Variants in ATXN2L observed in about 807,000 individuals in gnomAD.
ATXN2L encodes ataxin-2-like protein.
A neutral mutation model predicts 120.7 loss-of-function variants in ATXN2L; 24 were observed. The ratio of observed to expected loss-of-function variants is 0.20; its 90% CI spans 0.14 to 0.28. The LOEUF (loss-of-function observed/expected upper bound fraction) is 0.28, where lower values mean the gene tolerates loss of function less well. Among genes scored for constraint, ATXN2L ranks in the 10% least tolerant of loss-of-function variants. The pLI, the probability that ATXN2L is intolerant of heterozygous loss-of-function variation, is 1.00. For synonymous variants in ATXN2L, 653 were observed against 568.1 expected (o/e 1.15, Z -2.13); for missense variants, 1,312 against 1,432.3 (o/e 0.92, Z 1.36).
intron 6 of ATXN2L, among the ~76,000 whole-genome samples, chr16:28,829,156 C>T (rs1215411724): frequency 6.6e-6 from 1 of 152,174 alleles, no homozygotes; most frequent in African/African-American, 2.4e-5. Context: ...GCATGCACCA[C>T]CACACCCGGC....
In ATXN2L at chr16:28,836,044, G is replaced by T. The variant is rs775517284; in HGVS notation, c.3007G>T (p.Gly1003Cys). 2.0e-6 allele frequency: 3 copies of T among 1,537,498 alleles called. No individual in the cohort carries two copies. The highest frequency in any genetic ancestry group is 2.6e-6 in the Non-Finnish European group (3 of 1,133,712). ...CCAGAGTCATGGGGGGCCCCCCCAA[G>T]GCGCGGTGCCCCAGAGTGGGGTGCC... is the stretch of plus-strand genomic sequence containing the variant. ...PPQSHGGPPQ[G>C]AVPQSGVPAL... The change falls in exon 22 of 22, where the codon GGC (glycine) becomes TGC (cysteine). Residue 1003 changes from glycine (G) to cysteine (C), a missense_variant. Physicochemically the swap from Gly to Cys is radical, Grantham distance 159. Transcript: ENST00000336783.
intron 5 of ATXN2L, 57 bp downstream of exon 5, chr16:28,826,447 A>G: frequency 6.4e-7 from 1 of 1,564,828 alleles, no homozygotes; most frequent in South Asian, 1.1e-5. Context: ...GACAGAGGGT[A>G]GTTTGTGTGC....
At position 28,836,769 on chromosome 16, in the gene ATXN2L, G is replaced by C; in HGVS notation, c.*504G>C. ...CCAGCAGCTCCCCTTCCACCCCCCG[G>C]GGAACTGAAGATTGTCCTGGCCGCG... is the stretch of plus-strand genomic sequence containing the variant. On this transcript the variant is annotated 3_prime_UTR_variant, in exon 22 of 22. Transcript: ENST00000336783. The C allele has an allele frequency of 1.2e-6, 2 of 1,613,966 alleles. No individual in the cohort carries two copies. Among genetic ancestry groups the C allele is most frequent in the Non-Finnish European group, 1.7e-6 (2 of 1,179,982 alleles).
chr16:28,823,851 T>C (rs1407799041), intron 1 of ATXN2L: 1 of 290,894 alleles, frequency 3.4e-6, no homozygotes, highest in Non-Finnish European at 6.1e-6. Context: ...AACGGGGAGT[T>C]GGGGGGGGGC....
In ATXN2L at chr16:28,833,434, C is replaced by G. The variant is rs772506074; in HGVS notation, c.1956-5C>G. The G allele has an allele frequency of 6.2e-7, 1 of 1,614,022 alleles. No homozygotes were observed. Among genetic ancestry groups the G allele is most frequent in the African/African-American group, 1.3e-5 (1 of 74,908 alleles). ...CGTGAAGATTTACTGTACTTTCTCT[C>G]ACAGACAAGTAAAGAAATCAACGTT... On this transcript the variant is annotated splice_polypyrimidine_tract_variant and splice_region_variant and intron_variant, in intron 14 of 21. Transcript: ENST00000336783.
At position 28,830,692 on chromosome 16, in the gene ATXN2L, G is replaced by T. The variant is rs200982628; in HGVS notation, c.1112G>T (p.Gly371Val). ...GGAGTTCGATGCAGCAGCTCTCGGG[G>T]CGGTCGGCCTGGCCTTAGCTCTTTG... ...RGGVRCSSSR[G>V]GRPGLSSLPP... The change falls in exon 9 of 22, where the codon GGC (glycine) becomes GTC (valine). Residue 371 changes from glycine to valine, a missense_variant. By Grantham distance (109) the Gly-to-Val change is moderately radical (BLOSUM62 -3). Coordinates refer to ENST00000336783, the MANE Select transcript of ATXN2L (RefSeq NM_007245.4). 1.2e-6 allele frequency: 2 copies of T among 1,613,888 alleles called. No individual in the cohort carries two copies. The highest frequency in any genetic ancestry group is 2.7e-5 in the African/African-American group (2 of 75,012).
chr16:28,830,332 C>T (rs764364847), intron 8 of ATXN2L, among the ~76,000 whole-genome samples: 2 of 151,982 alleles, frequency 1.3e-5, no homozygotes, highest in African/African-American at 2.4e-5. Context: ...TAAAAACTAT[C>T]CCTGGAACTA....
At chr16:28,834,794 GT>G in intron 18 of ATXN2L, 101 bp downstream of exon 18, 1 of 1,390,300 alleles carries the variant, frequency 7.2e-7, no homozygotes, top group Non-Finnish European at 9.7e-7. Flanking sequence ...AGGCAGTGTT[GT>G]AGGTGGGATC....
chr16:28,826,194 T>C (rs8049439), intron 4 of ATXN2L, 46 bp from the exon 5 acceptor site: 625,625 of 1,601,164 alleles, frequency 0.39, 125,554 homozygotes, highest in Admixed American at 0.49. Context: ...TTGCCTTCAC[T>C]TTTCTTGAAA....
rs1271349982 is a variant in ATXN2L at position 28,835,719 on chromosome 16, G to C, written c.2856G>C (p.Gln952His). The C allele has an allele frequency of 6.2e-7, 1 of 1,614,090 alleles. No homozygotes were observed. Among genetic ancestry groups the C allele is most frequent in the South Asian group, 1.1e-5 (1 of 91,084 alleles). ...CTGTGTATGCCATCCACCACCAGCA[G>C]CTGCCCCACGGCTTCACCAACATGG... ...PAAVYAIHHQ[Q>H]LPHGFTNMAH... Residue 952 changes from glutamine (Q) to histidine (H), a missense_variant, in exon 21 of 22, where the codon CAG (glutamine) becomes CAC (histidine). Gln to His is a conservative substitution (Grantham distance 24). Transcript: ENST00000336783.
Position 28,836,990 on chromosome 16 carries a change from C to A in ATXN2L, c.*725C>A. 1.5e-6 allele frequency: 1 copy of A among 663,476 alleles called. No individual in the cohort carries two copies. The highest frequency in any genetic ancestry group is 2.7e-6 in the Non-Finnish European group (1 of 365,940). 41.1% of individuals were successfully genotyped at this position (663,476 alleles called of 1,614,324 possible). A position where few individuals can be genotyped will look rare whatever the true frequency, so the allele number is the denominator to read the frequency against. ...TGGGGGGTTCCTGCTCTGCCCCTGC[C>A]CGTCCCCACCCAGTCTTGCCCTCCC... On this transcript the variant is annotated 3_prime_UTR_variant, in exon 22 of 22. Transcript: ENST00000336783.
In ATXN2L at chr16:28,835,159, A is replaced by G. The variant is rs1959862271; in HGVS notation, c.2535A>G (p.Ala845=). 3 of 1,613,148 alleles carry G rather than the reference A, an allele frequency of 1.9e-6. No individual in the cohort carries two copies. The South Asian group carries it at 3.3e-5, about 18-fold the overall frequency. Residue 845 remains alanine, a synonymous_variant, in exon 19 of 22, where the codon GCA becomes GCG. Coordinates refer to ENST00000336783, the MANE Select transcript of ATXN2L (RefSeq NM_007245.4). The part of the protein sequence containing the change: ...VSSSTPQYPS[A]EQPTPQALYA... ...CCTCTACCCCTCAGTACCCTTCTGC[A>G]GAGCAGCCTACCCCCCAAGCCCTTT...
rs1198582920 is a variant in ATXN2L at position 28,823,856 on chromosome 16, G to T, written c.299+298G>T. On this transcript the variant is annotated intron_variant, in intron 1 of 21. Coordinates refer to ENST00000336783, the MANE Select transcript of ATXN2L (RefSeq NM_007245.4). ...GCGCCGTCGGAACGGGGAGTTGGGGGGGGGCAAGGAGCTGATCGGGGTCCC... is the reference window on the plus strand; with the variant it reads ...GCGCCGTCGGAACGGGGAGTTGGGGTGGGGCAAGGAGCTGATCGGGGTCCC... 3 of 332,754 alleles carry T rather than the reference G, an allele frequency of 9.0e-6. No homozygotes were observed. The Admixed American group carries it at 1.5e-4, about 17-fold the overall frequency. 20.6% of individuals were successfully genotyped at this position (332,754 alleles called of 1,614,324 possible). A position where few individuals can be genotyped will look rare whatever the true frequency, so the allele number is the denominator to read the frequency against.
Position 28,834,885 on chromosome 16 carries a change from C to A in ATXN2L, c.2434-173C>A, listed in dbSNP as rs146878966. ...GTACCTGTAACAAGGCATTGGACAT[C>A]TGTATCTCTGAAGTGTAGAGAAAAT... On this transcript the variant is annotated intron_variant, in intron 18 of 21. Coordinates refer to ENST00000336783, the MANE Select transcript of ATXN2L (RefSeq NM_007245.4). 4.4e-6 allele frequency: 5 copies of A among 1,140,020 alleles called. No individual in the cohort carries two copies. In the African/African-American group the frequency reaches 6.3e-5, roughly 14 times the overall value. 70.6% of individuals were successfully genotyped at this position (1,140,020 alleles called of 1,614,324 possible). A position where few individuals can be genotyped will look rare whatever the true frequency, so the allele number is the denominator to read the frequency against.
intron 15 of ATXN2L, 168 bp from the exon 16 acceptor site, chr16:28,833,897 C>T (rs953802290): frequency 1.2e-6 from 1 of 821,462 alleles, no homozygotes; most frequent in Non-Finnish European, 1.9e-6. Context: ...TCACCTGTAA[C>T]TTTAGAATAC....
intron 15 of ATXN2L, chr16:28,833,843 A>G: frequency 3.0e-6 from 2 of 662,080 alleles, no homozygotes; most frequent in Non-Finnish European, 5.1e-6. Context: ...GAGCCCCTGT[A>G]TTTGGAAGGT....
intron 1 of ATXN2L, chr16:28,824,093 AGGGATGACT>A (rs1299393167): frequency 1.9e-5 from 19 of 1,007,810 alleles, no homozygotes; most frequent in Non-Finnish European, 2.3e-5. Flanking sequence ...GGACGGAAGG[AGGGATGACT>A]GGGAGGACTG....
chr16:28,828,488 A>G (rs1596894375), intron 6 of ATXN2L, among the ~76,000 whole-genome samples: 1 of 151,850 alleles, frequency 6.6e-6, no homozygotes, highest in East Asian at 1.9e-4. Context: ...CGTGAGGTTG[A>G]GGCAGGAGAA....
Position 28,836,599 on chromosome 16 carries a change from C to T in ATXN2L, c.*334C>T. The T allele has an allele frequency of 6.3e-7, 1 of 1,579,468 alleles. No homozygotes were observed. On this transcript the variant is annotated 3_prime_UTR_variant, in exon 22 of 22. Transcript: ENST00000336783. ...GCGATTGACCTGTGCTTCTGACAGC[C>T]CCCGAGACACCTTGAGGAGGCCGCT...
Sources: gnomAD v4.1 joint callset for allele counts (sites outside exome capture counted in the v4.1 genomes callset) on GRCh38, gnomAD v4.1.1 for gene constraint, MANE v1.5 for transcripts, NCBI Gene and HGNC (gene_info 2026-07-23, HGNC 2026-07-21) for gene names.